The following FAM13B variants were observed in gnomAD, a reference collection of about 807,000 sequenced individuals.
FAM13B encodes protein FAM13B.
In FAM13B, 60 loss-of-function variants were observed where a neutral mutation model predicts 117.3. The observed-to-expected ratio is 0.51, with a 90% CI of 0.42 to 0.63. The LOEUF (loss-of-function observed/expected upper bound fraction) is 0.63. Among genes scored for constraint, FAM13B ranks in the 30% least tolerant of loss-of-function variants. The pLI, the probability that FAM13B is intolerant of heterozygous loss-of-function variation, is 0.00. For synonymous variants in FAM13B, 332 were observed against 356.1 expected (o/e 0.93, Z 0.76); for missense variants, 972 against 1,091.9 (o/e 0.89, Z 1.55).
chr5:138,023,438 G>A (rs1379027916), intron 1 of FAM13B, among the ~76,000 whole-genome samples: 2 of 152,170 alleles, frequency 1.3e-5, no homozygotes, highest in African/African-American at 4.8e-5. Flanking sequence ...AGTCCACCCA[G>A]ATAATAAGGG....
intron 4 of FAM13B, among the ~76,000 whole-genome samples, chr5:138,017,180 G>A (rs957484336): frequency 8.5e-5 from 13 of 152,158 alleles, no homozygotes; most frequent in African/African-American, 3.1e-4. Context: ...AATATAGCAA[G>A]TTCAAAGTAA....
chr5:137,970,113 C>T (rs551145661), intron 10 of FAM13B, among the ~76,000 whole-genome samples: 1 of 151,822 alleles, frequency 6.6e-6, no homozygotes, highest in African/African-American at 2.4e-5. Context: ...CAGAGAACGC[C>T]ACAAAGATAC....
At chr5:138,024,898 T>G (rs1787867733) in intron 1 of FAM13B, among the ~76,000 whole-genome samples, 1 of 64,818 alleles carries the variant, frequency 1.5e-5, no homozygotes, top group Non-Finnish European at 3.8e-5. Context: ...TGAGACAGAG[T>G]CTTACTCTGT....
At chr5:138,028,460 C>T (rs1157151121) in intron 1 of FAM13B, among the ~76,000 whole-genome samples, 1 of 152,070 alleles carries the variant, frequency 6.6e-6, no homozygotes, top group East Asian at 1.9e-4. Context: ...GAGATTAAAA[C>T]ATTTCTCTTT....
At chr5:138,032,704 G>A (rs752988530) in intron 1 of FAM13B, 78 bp downstream of exon 1, 7 of 985,182 alleles carry the variant, frequency 7.1e-6, no homozygotes, top group Non-Finnish European at 8.4e-6. Flanking sequence ...GCGGCGCTGG[G>A]GGGCAACAGG....
Position 138,019,093 on chromosome 5 carries a change from G to C in FAM13B, c.19C>G (p.Pro7Ala), listed in dbSNP as rs528194419. 107 of 1,613,862 alleles carry C rather than the reference G, an allele frequency of 6.6e-5. 1 individual carries two copies. The South Asian group carries it at 1.1e-3, about 17-fold the overall frequency. MRKSSS[P>A]SLSNCNSVLA... ...ACGGAGTTGCAGTTACTCAAGGAAG[G>C]GGAGGAGCTCTTCCTCATATCTTTT... The change falls in exon 3 of 24, where the codon CCT becomes GCT. Residue 7 changes from proline to alanine, a missense_variant. Coordinates refer to ENST00000689681, the MANE Select transcript of FAM13B (RefSeq NM_001385994.1).
chr5:138,012,216 C>CTTTTTTTTTTTTTT (rs36054299), intron 4 of FAM13B, among the ~76,000 whole-genome samples: 1 of 121,758 alleles, frequency 8.2e-6, no homozygotes, highest in Admixed American at 9.5e-5. Context: ...CCCCAATTCT[C>CTTTTTTTTTTTTTT]TTTTTTTTTT....
intron 1 of FAM13B, among the ~76,000 whole-genome samples, chr5:138,031,377 A>G (rs531779264): frequency 1.4e-4 from 22 of 152,328 alleles, no homozygotes; most frequent in African/African-American, 5.3e-4. Flanking sequence ...CAATTTTAAA[A>G]GCAGCACGGA....
chr5:138,028,919 T>C (rs950198691), intron 1 of FAM13B, among the ~76,000 whole-genome samples: 1 of 152,056 alleles, frequency 6.6e-6, no homozygotes, highest in African/African-American at 2.4e-5. Flanking sequence ...CTTGGGAGGA[T>C]GAGGCAGGAG....
intron 7 of FAM13B, among the ~76,000 whole-genome samples, chr5:137,991,723 T>C (rs1417247989): frequency 6.6e-6 from 1 of 152,206 alleles, no homozygotes; most frequent in African/African-American, 2.4e-5. Context: ...TTGGTATCCA[T>C]ATGGGAAAAG....
At chr5:137,974,976 G>T (rs571648973) in intron 10 of FAM13B, among the ~76,000 whole-genome samples, 88 of 152,252 alleles carry the variant, frequency 5.8e-4, no homozygotes, top group African/African-American at 2.1e-3. Context: ...AATTTTATTG[G>T]AACACAGCCA....
At chr5:138,007,363 G>A (rs548112267) in intron 6 of FAM13B, among the ~76,000 whole-genome samples, 1 of 152,224 alleles carries the variant, frequency 6.6e-6, no homozygotes. Flanking sequence ...CAGGATTAGT[G>A]TATCACTAGT....
At chr5:137,965,314 T>G (rs1400141346) in intron 10 of FAM13B, among the ~76,000 whole-genome samples, 2 of 152,178 alleles carry the variant, frequency 1.3e-5, no homozygotes, top group Non-Finnish European at 2.9e-5. Flanking sequence ...TTCAGGTAAG[T>G]TAGAGAGCTT....
intron 1 of FAM13B, among the ~76,000 whole-genome samples, chr5:138,026,082 T>C (rs980950324): frequency 6.6e-6 from 1 of 152,206 alleles, no homozygotes; most frequent in African/African-American, 2.4e-5. Context: ...TCTTACAATA[T>C]GCCAGGCACT....
chr5:138,028,492 C>T (rs1425390406), intron 1 of FAM13B, among the ~76,000 whole-genome samples: 1 of 150,886 alleles, frequency 6.6e-6, no homozygotes, highest in Non-Finnish European at 1.5e-5. Context: ...TGTATAAAAA[C>T]TGAAAAAAAA....
In FAM13B at chr5:137,960,156, T is replaced by C. The variant is rs764993956; in HGVS notation, c.1293+10A>G. The C allele has an allele frequency of 2.0e-6, 3 of 1,506,000 alleles. No individual in the cohort carries two copies. The highest frequency in any genetic ancestry group is 2.3e-5 in the East Asian group (1 of 43,386). The allele number at this position is 1,506,000 out of a possible 1,614,324, so 93.3% of individuals were successfully genotyped here. ...GTTTTTAAAGACTAAGACAAAAAAA[T>C]AGTTCTTACCAGAATCAAGTGTGAC... On this transcript the variant is annotated intron_variant, in intron 12 of 23. Coordinates refer to ENST00000689681, the MANE Select transcript of FAM13B (RefSeq NM_001385994.1).
At chr5:138,038,385 A>G (rs1791355826) in intron 1 of FAM13B, among the ~76,000 whole-genome samples, 1 of 152,238 alleles carries the variant, frequency 6.6e-6, no homozygotes, top group African/African-American at 2.4e-5. Context: ...AGGGAAAAAC[A>G]AGTGCATATG....
At chr5:137,996,869 T>C (rs1382088586) in intron 7 of FAM13B, among the ~76,000 whole-genome samples, 1 of 152,122 alleles carries the variant, frequency 6.6e-6, no homozygotes, top group Non-Finnish European at 1.5e-5. Flanking sequence ...GCTGGATTAC[T>C]GGCATGAGCC....
chr5:137,982,743 G>T (rs996879900), intron 10 of FAM13B, among the ~76,000 whole-genome samples: 1 of 152,102 alleles, frequency 6.6e-6, no homozygotes, highest in African/African-American at 2.4e-5. Flanking sequence ...AAATACACAG[G>T]TGTGTCTGTT....
Sources: allele counts gnomAD v4.1 joint callset (sites outside exome capture counted in the v4.1 genomes callset), GRCh38; gene constraint gnomAD v4.1.1; transcripts MANE v1.5; gene names NCBI Gene and HGNC (gene_info 2026-07-23, HGNC 2026-07-21).